SLCO3A1: variants seen among roughly 807,000 people sequenced by gnomAD.
SLCO3A1 encodes the protein PGE1 transporter.
Under a neutral mutation model 63.1 loss-of-function variants are expected in SLCO3A1, and 27 were observed. That is an observed-to-expected ratio of 0.43 (90% CI 0.32 to 0.59). The LOEUF (loss-of-function observed/expected upper bound fraction) is 0.59, where lower values mean the gene tolerates loss of function less well. Among genes scored for constraint, SLCO3A1 ranks in the 20% least tolerant of loss-of-function variants. SLCO3A1 has a pLI of 0.09. For missense variants in SLCO3A1, 773 were observed against 945.8 expected (o/e 0.82, Z 2.40); for synonymous variants, 473 against 409.9 (o/e 1.15, Z -1.86).
chr15:92,068,256 A>G (rs1426114494), intron 2 of SLCO3A1, among the ~76,000 whole-genome samples: 1 of 152,230 alleles, frequency 6.6e-6, no homozygotes, highest in Non-Finnish European at 1.5e-5. Flanking sequence ...TGATAGAGTT[A>G]GAAATTAGAC....
chr15:91,921,068 G>A (rs182435261), intron 2 of SLCO3A1, among the ~76,000 whole-genome samples: 1 of 152,190 alleles, frequency 6.6e-6, no homozygotes, highest in East Asian at 1.9e-4. Context: ...AGACTGGGAG[G>A]CTTAAATGAC....
chr15:92,171,542 T>A, intron 10 of SLCO3A1: 1 of 486,224 alleles, frequency 2.1e-6, no homozygotes, highest in Non-Finnish European at 3.7e-6. Flanking sequence ...GGGTTGGTCA[T>A]GTAGATAAAT....
chr15:91,871,765 G>GTTTTTTTTTTT (rs33938693), intron 1 of SLCO3A1, among the ~76,000 whole-genome samples: 3 of 45,704 alleles, frequency 6.6e-5, no homozygotes, highest in Admixed American at 3.2e-4. Flanking sequence ...TTTTTTTTTG[G>GTTTTTTTTTTT]TTTTTTTTTT....
intron 2 of SLCO3A1, among the ~76,000 whole-genome samples, chr15:92,068,803 C>T (rs532838554): frequency 1.3e-5 from 2 of 152,306 alleles, no homozygotes; most frequent in South Asian, 4.1e-4. Context: ...GAGCTACCTG[C>T]TAGCTCCCAC....
intron 1 of SLCO3A1, 77 bp from the exon 2 acceptor site, chr15:91,915,916 G>T: frequency 2.4e-6 from 3 of 1,242,758 alleles, no homozygotes; most frequent in Non-Finnish European, 2.3e-6. Flanking sequence ...TGGGCAGAGC[G>T]CACTGTCAGG....
In SLCO3A1 at chr15:91,957,158, TA is replaced by T. The variant is rs1435592106; in HGVS notation, c.646+40701del. ...TACTATATATTATAATATATATATATATTTTTTTTTTTAGTAGAGACGGGGT... is the reference window on the plus strand; with the variant it reads ...TACTATATATTATAATATATATATATTTTTTTTTTTTAGTAGAGACGGGGT... On this transcript the variant is annotated intron_variant, in intron 2 of 9. Coordinates refer to ENST00000318445, the MANE Select transcript of SLCO3A1 (RefSeq NM_013272.4). Among the ~76,000 whole-genome samples, 67 of 34,352 alleles carry T rather than the reference TA, an allele frequency of 2.0e-3. 10 individuals carry two copies. Among genetic ancestry groups the T allele is most frequent in the African/African-American group, 0.014 (58 of 4,064 alleles). 22.5% of individuals were successfully genotyped at this position (34,352 alleles called of 152,430 possible).
intron 3 of SLCO3A1, among the ~76,000 whole-genome samples, chr15:92,100,634 C>G (rs1257839803): frequency 1.3e-5 from 2 of 152,206 alleles, no homozygotes; most frequent in African/African-American, 4.8e-5. Context: ...GCCTTCCTCC[C>G]TACTTTTATC....
intron 1 of SLCO3A1, among the ~76,000 whole-genome samples, chr15:91,914,078 C>T (rs906262383): frequency 1.1e-4 from 17 of 152,164 alleles, no homozygotes; most frequent in Admixed American, 7.9e-4. Context: ...CCTTCCCTAG[C>T]ATTTACATGT....
At chr15:92,089,611 AAGT>A (rs2047447643) in intron 2 of SLCO3A1, among the ~76,000 whole-genome samples, 1 of 152,158 alleles carries the variant, frequency 6.6e-6, no homozygotes, top group Admixed American at 6.5e-5. Flanking sequence ...GAGTGGTGGA[AAGT>A]CTTTCTAATA....
intron 1 of SLCO3A1, among the ~76,000 whole-genome samples, chr15:91,895,853 A>G (rs72750063): frequency 0.2 from 29,920 of 152,206 alleles, 3,112 homozygotes; most frequent in East Asian, 0.34. Flanking sequence ...CTTCACTTCT[A>G]ATAAATGCAA....
intron 7 of SLCO3A1, among the ~76,000 whole-genome samples, chr15:92,131,223 G>A (rs2047991629): frequency 6.6e-6 from 1 of 152,042 alleles, no homozygotes; most frequent in Non-Finnish European, 1.5e-5. Flanking sequence ...GAAAAATAGT[G>A]TCTCCCTCTG....
At chr15:92,103,953 T>G (rs532773517) in intron 3 of SLCO3A1, among the ~76,000 whole-genome samples, 1 of 152,330 alleles carries the variant, frequency 6.6e-6, no homozygotes, top group South Asian at 2.1e-4. Context: ...TTCCTTGTGC[T>G]TCTTTCAGTA....
intron 1 of SLCO3A1, among the ~76,000 whole-genome samples, chr15:91,896,903 C>T (rs1157303491): frequency 6.6e-6 from 1 of 152,164 alleles, no homozygotes; most frequent in Admixed American, 6.5e-5. Context: ...TAGAATATGT[C>T]TCATTGATAC....
intron 2 of SLCO3A1, among the ~76,000 whole-genome samples, chr15:92,052,576 G>T (rs1597263176): frequency 6.6e-6 from 1 of 152,044 alleles, no homozygotes; most frequent in African/African-American, 2.4e-5. Flanking sequence ...TCTTCCCAAG[G>T]TTCTTTATTC....
intron 2 of SLCO3A1, among the ~76,000 whole-genome samples, chr15:91,945,661 C>T (rs960757923): frequency 1.3e-5 from 2 of 152,200 alleles, no homozygotes; most frequent in Admixed American, 1.3e-4. Context: ...CCCCACAGGG[C>T]CTGGCTGGCT....
intron 7 of SLCO3A1, among the ~76,000 whole-genome samples, chr15:92,135,484 C>G (rs896768086): frequency 3.9e-5 from 6 of 152,208 alleles, no homozygotes; most frequent in Admixed American, 6.5e-5. Flanking sequence ...TTTCTTCTTG[C>G]AGTTTTTCAG....
chr15:92,080,580 A>C (rs369770798), intron 2 of SLCO3A1, among the ~76,000 whole-genome samples: 14 of 151,592 alleles, frequency 9.2e-5, no homozygotes, highest in Middle Eastern at 3.4e-3. Flanking sequence ...GCCCTGGAGG[A>C]GAAGGAGAAA....
intron 7 of SLCO3A1, among the ~76,000 whole-genome samples, chr15:92,138,058 G>A (rs2048081770): frequency 9.0e-6 from 1 of 110,632 alleles, no homozygotes; most frequent in South Asian, 2.5e-4. Context: ...CCATGCCTAT[G>A]TCCTGAATGG....
chr15:91,935,453 T>C (rs1161364119), intron 2 of SLCO3A1, among the ~76,000 whole-genome samples: 1 of 151,956 alleles, frequency 6.6e-6, no homozygotes, highest in Non-Finnish European at 1.5e-5. Flanking sequence ...AGAAGAAAGG[T>C]CAAGCCAAGG....
Sources: allele counts gnomAD v4.1 joint callset (sites outside exome capture counted in the v4.1 genomes callset), GRCh38; gene constraint gnomAD v4.1.1; transcripts MANE v1.5; gene names NCBI Gene and HGNC (gene_info 2026-07-23, HGNC 2026-07-21).